Variants in BICC1 observed in about 807,000 individuals in gnomAD.
The protein encoded by BICC1 is protein bicaudal C homolog 1.
In BICC1, 43 loss-of-function variants were observed where a neutral mutation model predicts 111.0. That is an observed-to-expected ratio of 0.39 (90% CI 0.30 to 0.50). The LOEUF (loss-of-function observed/expected upper bound fraction) is 0.50, where lower values mean the gene tolerates loss of function less well. BICC1 is among the 20% of genes least tolerant of loss of function. BICC1 has a pLI of 0.88. For synonymous variants in BICC1, 467 were observed against 434.4 expected (o/e 1.07, Z -0.93); for missense variants, 1,091 against 1,203.2 (o/e 0.91, Z 1.38).
chr10:58,769,055 C>T (rs949478813), intron 3 of BICC1, among the ~76,000 whole-genome samples: 3 of 151,944 alleles, frequency 2.0e-5, no homozygotes, highest in African/African-American at 7.2e-5. Flanking sequence ...ACAAATACTG[C>T]ATAATATAAC....
At chr10:58,629,905 T>C (rs184218645) in intron 2 of BICC1, among the ~76,000 whole-genome samples, 1 of 152,346 alleles carries the variant, frequency 6.6e-6, no homozygotes, top group African/African-American at 2.4e-5. Flanking sequence ...TCAACTTGCT[T>C]TCCTTTCTAA....
At chr10:58,720,266 C>T (rs553327488) in intron 3 of BICC1, among the ~76,000 whole-genome samples, 9 of 152,248 alleles carry the variant, frequency 5.9e-5, no homozygotes, top group East Asian at 5.8e-4. Context: ...TTCTTGCTGT[C>T]GTAAGTGAAT....
rs560987790 is a variant in BICC1 at position 58,793,977 on chromosome 10, A to G, written c.1179+362A>G. ...TTATATATTTAGTTATCTAATATAA[A>G]TTTGTAACAGTATTCATTATAGATC... is the stretch of plus-strand genomic sequence containing the variant. On this transcript the variant is annotated intron_variant, in intron 9 of 20. Transcript: ENST00000373886. Among the ~76,000 whole-genome samples the G allele has an allele frequency of 9.2e-5, 14 of 152,282 alleles. No individual in the cohort carries two copies. The East Asian group carries it at 2.7e-3, about 29-fold the overall frequency.
intron 1 of BICC1, among the ~76,000 whole-genome samples, chr10:58,592,092 A>C (rs138441448): frequency 1.3e-5 from 2 of 152,346 alleles, no homozygotes; most frequent in African/African-American, 4.8e-5. Flanking sequence ...GCTGCAATGA[A>C]AATTTCCACA....
chr10:58,550,182 A>G (rs961820292), intron 1 of BICC1, among the ~76,000 whole-genome samples: 4 of 151,702 alleles, frequency 2.6e-5, no homozygotes, highest in African/African-American at 9.7e-5. Context: ...CTCTACTAAT[A>G]TTTTATTTTC....
chr10:58,574,668 T>C (rs1476244700), intron 1 of BICC1, among the ~76,000 whole-genome samples: 1 of 152,174 alleles, frequency 6.6e-6, no homozygotes, highest in African/African-American at 2.4e-5. Flanking sequence ...CTATTGATGT[T>C]GACTATATTT....
rs762179200 is a variant in BICC1 at position 58,513,251 on chromosome 10, CGCCGGG to C, written c.111_116del (p.Gly38_Ala39del). The C allele has an allele frequency of 6.2e-7, 1 of 1,613,138 alleles. No individual in the cohort carries two copies. Among genetic ancestry groups the C allele is most frequent in the South Asian group, 1.1e-5 (1 of 91,014 alleles). On this transcript the variant is annotated inframe_deletion, in exon 1 of 21. Coordinates refer to ENST00000373886, the MANE Select transcript of BICC1 (RefSeq NM_001080512.3). ...TGCCCGGCTCCGAGGACGACTTGGT[CGCCGGG>C]GCGACCCTGCACAGCCCGGAGTGGA... is the stretch of plus-strand genomic sequence containing the variant.
intron 2 of BICC1, among the ~76,000 whole-genome samples, chr10:58,692,323 T>A (rs1839934395): frequency 6.6e-6 from 1 of 152,188 alleles, no homozygotes; most frequent in African/African-American, 2.4e-5. Context: ...GCCTATAGTG[T>A]GGACCAGTTT....
intron 1 of BICC1, among the ~76,000 whole-genome samples, chr10:58,619,884 G>T (rs1249037227): frequency 6.6e-6 from 1 of 152,122 alleles, no homozygotes; most frequent in East Asian, 1.9e-4. Flanking sequence ...ACACACATAT[G>T]CACTTCTGCA....
intron 3 of BICC1, among the ~76,000 whole-genome samples, chr10:58,716,691 A>AATGAATCTTTTTTAGCATTAGAATGTG (rs1564571347): frequency 2.6e-4 from 39 of 151,820 alleles, no homozygotes; most frequent in African/African-American, 9.0e-4. Flanking sequence ...TTACATTAAT[A>AATGAATCTTTTTTAGCATTAGAATGTG]TTTCAAAACC....
At chr10:58,618,572 T>G (rs1244447706) in intron 1 of BICC1, among the ~76,000 whole-genome samples, 2 of 152,162 alleles carry the variant, frequency 1.3e-5, no homozygotes, top group Non-Finnish European at 2.9e-5. Flanking sequence ...CCATGATTCC[T>G]CGAGTGTTCT....
intron 2 of BICC1, among the ~76,000 whole-genome samples, chr10:58,621,164 G>A (rs549583468): frequency 6.6e-5 from 10 of 152,310 alleles, no homozygotes; most frequent in Non-Finnish European, 1.5e-4. Context: ...GCTCAGAGGT[G>A]GATCAATTCA....
At chr10:58,737,600 T>C (rs983877564) in intron 3 of BICC1, among the ~76,000 whole-genome samples, 1 of 152,216 alleles carries the variant, frequency 6.6e-6, no homozygotes, top group African/African-American at 2.4e-5. Context: ...TTATATTCCT[T>C]TGGGTATATA....
At chr10:58,569,208 T>G (rs752500209) in intron 1 of BICC1, among the ~76,000 whole-genome samples, 6 of 152,154 alleles carry the variant, frequency 3.9e-5, no homozygotes, top group Non-Finnish European at 8.8e-5. Context: ...ATGCAGTCTT[T>G]ACATCTAATA....
At chr10:58,615,314 C>T (rs1370201048) in intron 1 of BICC1, among the ~76,000 whole-genome samples, 2 of 152,182 alleles carry the variant, frequency 1.3e-5, no homozygotes, top group African/African-American at 2.4e-5. Flanking sequence ...AAATGGCCTC[C>T]ATCAGTGTGT....
At chr10:58,659,026 A>G (rs1838754501) in intron 2 of BICC1, among the ~76,000 whole-genome samples, 1 of 152,142 alleles carries the variant, frequency 6.6e-6, no homozygotes, top group Non-Finnish European at 1.5e-5. Flanking sequence ...ATCTATGACT[A>G]ATTCTATATG....
chr10:58,767,951 C>T (rs979372951), intron 3 of BICC1, among the ~76,000 whole-genome samples: 16 of 151,560 alleles, frequency 1.1e-4, no homozygotes, highest in East Asian at 3.9e-4. Flanking sequence ...GGGATTTATG[C>T]GATACCATCA....
chr10:58,800,266 G>A lies in BICC1; in HGVS notation c.1798G>A (p.Asp600Asn), dbSNP rs751948233. ...GEKVLSANHG[D>N]PSIQTSGSEQ... ...AAAAGTGCTGAGTGCAAATCACGGG[G>A]ATCCGTCCATCCAGACAAGTGGGTC... The change falls in exon 13 of 21, where the codon GAT becomes AAT. Residue 600 changes from aspartate to asparagine, a missense_variant. By Grantham distance (23) the Asp-to-Asn change is conservative. This residue lies in a region of BICC1 where 843 missense variants were observed against 900.8 expected (regional missense o/e 0.94). Transcript: ENST00000373886. 3.7e-6 allele frequency: 6 copies of A among 1,613,450 alleles called. No individual in the cohort carries two copies. The highest frequency in any genetic ancestry group is 3.3e-5 in the Admixed American group (2 of 59,938).
rs546073686 is a variant in BICC1, at chr10:58,736,167, G to A, written c.307+34024G>A. On this transcript the variant is annotated intron_variant, in intron 3 of 20. Transcript: ENST00000373886. ...GATGAAATGGAGCAAGATGGGGACA[G>A]GAGAGCTTCAGACTGTGATGCAGAT... Among the ~76,000 whole-genome samples, 352 of 152,266 alleles carry A rather than the reference G, an allele frequency of 2.3e-3. 1 individual carries two copies. The highest frequency in any genetic ancestry group is 4.3e-3 in the Non-Finnish European group (295 of 68,012).
Sources: gnomAD v4.1 joint callset for allele counts (sites outside exome capture counted in the v4.1 genomes callset) on GRCh38, gnomAD v4.1.1 for gene constraint, gnomAD v4.1.1 regional missense constraint, MANE v1.5 for transcripts, NCBI Gene and HGNC (gene_info 2026-07-23, HGNC 2026-07-21) for gene names.